KBTBD3: variants seen among roughly 807,000 people sequenced by gnomAD.
The protein encoded by KBTBD3 is kelch repeat and BTB domain-containing protein 3.
Under a neutral mutation model 49.6 loss-of-function variants are expected in KBTBD3, and 38 were observed. That is an observed-to-expected ratio of 0.77 (90% CI 0.59 to 1.00). The LOEUF is 1.00. KBTBD3 is among the 50% of genes least tolerant of loss of function. KBTBD3 has a pLI of 0.00. For synonymous variants in KBTBD3, 214 were observed against 250.4 expected, an observed-to-expected ratio of 0.85 and a Z score of 1.37; for missense variants, 661 against 712.0, an observed-to-expected ratio of 0.93 and a Z score of 0.81.
chr11:106,062,832 T>C (rs1388878927), intron 2 of KBTBD3, among the ~76,000 whole-genome samples: 1 of 152,210 alleles, frequency 6.6e-6, no homozygotes, highest in African/African-American at 2.4e-5. Flanking sequence ...GTTGATAACA[T>C]ATGACCTAGG....
At chr11:106,058,584 C>A (rs1404052519) in intron 3 of KBTBD3, among the ~76,000 whole-genome samples, 1 of 151,698 alleles carries the variant, frequency 6.6e-6, no homozygotes, top group Admixed American at 6.6e-5. Context: ...CCATTGCGAC[C>A]GGCTAATTTT....
chr11:106,061,422 G>T (rs1860693201), intron 2 of KBTBD3, among the ~76,000 whole-genome samples: 1 of 152,160 alleles, frequency 6.6e-6, no homozygotes, highest in Non-Finnish European at 1.5e-5. Context: ...GTCATATGTG[G>T]TGTGATGAGT....
At position 106,053,431 on chromosome 11, in the gene KBTBD3, T is replaced by A. The variant is rs769431183; in HGVS notation, c.1258A>T (p.Ser420Cys). The A allele has an allele frequency of 6.2e-6, 10 of 1,613,658 alleles. No individual in the cohort carries two copies. The highest frequency in any genetic ancestry group is 8.5e-6 in the Non-Finnish European group (10 of 1,179,834). The stretch of plus-strand genomic sequence containing the variant: ...TTGTAAGATTCAACATCTAAGAGAC[T>A]TTTAATGTCCCGGGATCCTCTAGTT... ...GKTRGSRDIK[S>C]LLDVESYNPL... Residue 420 changes from serine to cysteine, a missense_variant, in exon 4 of 4, where the codon AGT (serine) becomes TGT (cysteine). Physicochemically the swap from Ser to Cys is moderately radical, Grantham distance 112. Coordinates refer to ENST00000531837, the MANE Select transcript of KBTBD3 (RefSeq NM_198439.3).
chr11:106,054,177 TCAAA>T lies in KBTBD3; in HGVS notation c.508_511del (p.Phe170IlefsTer21), dbSNP rs1393476607. 4 of 1,613,066 alleles carry T rather than the reference TCAAA, an allele frequency of 2.5e-6. No individual in the cohort carries two copies. Among genetic ancestry groups the T allele is most frequent in the Non-Finnish European group, 3.4e-6 (4 of 1,179,478 alleles). ...ATGTTGTACAAAGTGTAATGCATGA[TCAAA>T]CAAACTGGTGGAGCCATAGCTATCT... On this transcript the variant is annotated frameshift_variant, in exon 4 of 4. Coordinates refer to ENST00000531837, the MANE Select transcript of KBTBD3 (RefSeq NM_198439.3). LOFTEE classifies it high-confidence loss of function.
At chr11:106,072,861 G>C (rs779397041) in intron 2 of KBTBD3, among the ~76,000 whole-genome samples, 1 of 152,132 alleles carries the variant, frequency 6.6e-6, no homozygotes, top group Non-Finnish European at 1.5e-5. Context: ...GAGATATAAA[G>C]AGAATAAAAG....
In KBTBD3 at chr11:106,066,902, CAAAT is replaced by C. The variant is rs556790959; in HGVS notation, c.-12-7797_-12-7794del. Among the ~76,000 whole-genome samples, 284 of 151,980 alleles carry C rather than the reference CAAAT, an allele frequency of 1.9e-3. 1 individual carries two copies. Among genetic ancestry groups the C allele is most frequent in the African/African-American group, 6.5e-3 (271 of 41,458 alleles). On this transcript the variant is annotated intron_variant, in intron 2 of 3. Transcript: ENST00000531837. ...ACATATATATACATACATATGAAGA[CAAAT>C]AAATGAAGATGATGAAAAGTGGAAA...
intron 2 of KBTBD3, among the ~76,000 whole-genome samples, chr11:106,069,829 AG>A (rs1457314037): frequency 3.3e-5 from 5 of 152,038 alleles, no homozygotes; most frequent in Non-Finnish European, 5.9e-5. Context: ...AATAATAATG[AG>A]GGAAGTATCA....
At chr11:106,060,523 CA>C (rs1316622131) in intron 2 of KBTBD3, among the ~76,000 whole-genome samples, 1 of 152,102 alleles carries the variant, frequency 6.6e-6, no homozygotes, top group South Asian at 2.1e-4. Context: ...ACAAACCTGA[CA>C]AAAACAAGCA....
intron 3 of KBTBD3, chr11:106,058,177 G>A: frequency 9.1e-6 from 3 of 330,420 alleles, no homozygotes; most frequent in East Asian, 4.6e-5. Context: ...GAGGTCAGGA[G>A]ATTGAGACCA....
intron 3 of KBTBD3, among the ~76,000 whole-genome samples, chr11:106,055,799 G>A (rs1189512959): frequency 1.3e-5 from 2 of 152,120 alleles, no homozygotes; most frequent in Non-Finnish European, 2.9e-5. Context: ...CTGATGCAAA[G>A]TATTAGCTTT....
intron 2 of KBTBD3, among the ~76,000 whole-genome samples, chr11:106,072,307 T>C (rs1288455643): frequency 6.6e-6 from 1 of 152,206 alleles, no homozygotes; most frequent in East Asian, 1.9e-4. Context: ...TAGGAATGCC[T>C]CAGCCAATGA....
chr11:106,053,275 A>G lies in KBTBD3; in HGVS notation c.1414T>C (p.Ser472Pro). The change falls in exon 4 of 4, where the codon TCA (serine) becomes CCA (proline). Residue 472 changes from serine (S) to proline (P), a missense_variant. Coordinates refer to ENST00000531837, the MANE Select transcript of KBTBD3 (RefSeq NM_198439.3). ...TTGTATTTAAAAAAGCAATCAAGTG[A>G]TGGGTTAAAAGCATCTGTAATCTCT... ...EVEITDAFNP[S>P]LDCFFKYNAT... 6.2e-7 allele frequency: 1 copy of G among 1,613,656 alleles called. No homozygotes were observed. Among genetic ancestry groups the G allele is most frequent in the Non-Finnish European group, 8.5e-7 (1 of 1,179,794 alleles).
At chr11:106,061,505 T>C (rs1860695105) in intron 2 of KBTBD3, among the ~76,000 whole-genome samples, 1 of 152,170 alleles carries the variant, frequency 6.6e-6, no homozygotes, top group Non-Finnish European at 1.5e-5. Flanking sequence ...TGTGAGAGTG[T>C]TCTAGATGAG....
At position 106,075,564 on chromosome 11, in the gene KBTBD3, GT is replaced by G. The variant is rs986927476; in HGVS notation, c.-13+942del. 124 of 152,286 alleles carry G rather than the reference GT, an allele frequency of 8.1e-4. 1 individual carries two copies. The highest frequency in any genetic ancestry group is 2.9e-3 in the African/African-American group (120 of 41,550). The allele number at this position is 152,286 out of a possible 1,614,324, so 9.4% of individuals were successfully genotyped here. A position where few individuals can be genotyped will look rare whatever the true frequency, so the allele number is the denominator to read the frequency against. On this transcript the variant is annotated intron_variant, in intron 2 of 3. Coordinates refer to ENST00000531837, the MANE Select transcript of KBTBD3 (RefSeq NM_198439.3). The stretch of plus-strand genomic sequence containing the variant: ...CCAAATGAATTACATAAACAATACT[GT>G]TTTGGAAAAAGGTACTCTGAAGTAG...
chr11:106,073,304 G>A (rs184322735), intron 2 of KBTBD3, among the ~76,000 whole-genome samples: 85 of 114,602 alleles, frequency 7.4e-4, no homozygotes, highest in African/African-American at 2.4e-3. Flanking sequence ...ATCTCACTAT[G>A]TTACCCAAGT....
At chr11:106,073,117 A>T (rs1860951318) in intron 2 of KBTBD3, among the ~76,000 whole-genome samples, 1 of 152,120 alleles carries the variant, frequency 6.6e-6, no homozygotes, top group African/African-American at 2.4e-5. Context: ...TTTTTGAGAC[A>T]GGGTCTTGCT....
chr11:106,073,258 C>CTT (rs374062847), intron 2 of KBTBD3, among the ~76,000 whole-genome samples: 63,154 of 112,832 alleles, frequency 0.56, 20,597 homozygotes, highest in Non-Finnish European at 0.73. Context: ...GCACACTCAG[C>CTT]TTTTTTTTTT....
chr11:106,072,230 T>G (rs1162909412), intron 2 of KBTBD3, among the ~76,000 whole-genome samples: 1 of 152,146 alleles, frequency 6.6e-6, no homozygotes, highest in Non-Finnish European at 1.5e-5. Context: ...ATTATGAAAA[T>G]AAAACATGGA....
At position 106,053,648 on chromosome 11, in the gene KBTBD3, T is replaced by C; in HGVS notation, c.1041A>G (p.Thr347=). The change falls in exon 4 of 4, where the codon ACA becomes ACG. Residue 347 remains threonine (T), a synonymous_variant. Transcript: ENST00000531837. ...GACAACATTTCCCTTTGCAACCACC[T>C]GTCAAGAATATTTTCTCTCCGTAAC... The part of the protein sequence containing the change: ...LSSYGEKIFL[T]GGCKGKCCRT... 2 of 1,613,892 alleles carry C rather than the reference T, an allele frequency of 1.2e-6. No homozygotes were observed. The highest frequency in any genetic ancestry group is 2.2e-5 in the East Asian group (1 of 44,880).
Sources: allele counts gnomAD v4.1 joint callset (sites outside exome capture counted in the v4.1 genomes callset), GRCh38; gene constraint gnomAD v4.1.1; transcripts MANE v1.5; gene names NCBI Gene and HGNC (gene_info 2026-07-23, HGNC 2026-07-21).